KLHL21: variants seen among roughly 807,000 people sequenced by gnomAD.
The protein encoded by KLHL21 is kelch-like protein 21.
Under a neutral mutation model 44.1 loss-of-function variants are expected in KLHL21, and 42 were observed. The observed-to-expected ratio is 0.95, with a 90% confidence interval of 0.74 to 1.23. The LOEUF (loss-of-function observed/expected upper bound fraction) is 1.23, where lower values mean the gene tolerates loss of function less well. Ranked by LOEUF, KLHL21 falls within the 50% of genes most tolerant of loss-of-function variation. The pLI is 0.00. For synonymous variants in KLHL21, 524 were observed against 411.6 expected, an observed-to-expected ratio of 1.27 and a Z score of -3.31; for missense variants, 918 against 889.1, an observed-to-expected ratio of 1.03 and a Z score of -0.41.
At chr1:6,601,482 T>C (rs933755390) in intron 1 of KLHL21, among the ~76,000 whole-genome samples, 2 of 152,158 alleles carry the variant, frequency 1.3e-5, no homozygotes, top group Non-Finnish European at 2.9e-5. Context: ...AAAGCACCCA[T>C]TGTGCGGGGT....
intron 1 of KLHL21, among the ~76,000 whole-genome samples, chr1:6,600,516 G>A (rs1641001295): frequency 6.6e-6 from 1 of 152,238 alleles, no homozygotes; most frequent in Non-Finnish European, 1.5e-5. Context: ...AAGACATTCT[G>A]TTTCACAGCC....
Position 6,602,630 on chromosome 1 carries a change from G to T in KLHL21, c.188C>A (p.Ala63Asp), listed in dbSNP as rs1418533502. ...CTCGCGCAGCTGCCCCGCGAACATG[G>T]CGCGGAAGTAGGGGCTGGCGGCGGC... is the stretch of plus-strand genomic sequence containing the variant. ...VLAAASPYFR[A>D]MFAGQLRESR... The change falls in exon 1 of 4, where the codon GCC (alanine) becomes GAC (aspartate). Residue 63 changes from alanine (A) to aspartate (D), a missense_variant. Transcript: ENST00000377658. The T allele has an allele frequency of 1.3e-6, 2 of 1,518,922 alleles. No individual in the cohort carries two copies. The highest frequency in any genetic ancestry group is 2.5e-5 in the East Asian group (1 of 39,740). The allele number at this position is 1,518,922 out of a possible 1,614,324, so 94.1% of individuals were successfully genotyped here. A position where few individuals can be genotyped will look rare whatever the true frequency, so the allele number is the denominator to read the frequency against.
rs763362965 is a variant in KLHL21, at chr1:6,593,328, T to C, written c.*37A>G. 4.6e-6 allele frequency: 7 copies of C among 1,529,362 alleles called. No homozygotes were observed. Among genetic ancestry groups the C allele is most frequent in the Non-Finnish European group, 6.1e-6 (7 of 1,140,888 alleles). The allele number at this position is 1,529,362 out of a possible 1,614,324, so 94.7% of individuals were successfully genotyped here. ...GGGCACTGCCCCGCAGAGGTGCCAGTTACCTGCACCGAGGCCCGTGCCGGG... is the reference window on the plus strand; with the variant it reads ...GGGCACTGCCCCGCAGAGGTGCCAGCTACCTGCACCGAGGCCCGTGCCGGG... On this transcript the variant is annotated 3_prime_UTR_variant, in exon 4 of 4. Transcript: ENST00000377658.
At chr1:6,601,719 C>A in intron 1 of KLHL21, 78 bp downstream of exon 1, 3 of 1,465,722 alleles carry the variant, frequency 2.0e-6, no homozygotes, top group Non-Finnish European at 2.7e-6. Context: ...GCTCTGTGCG[C>A]TTCCCCCGCG....
rs1185169344 is a variant in KLHL21, at chr1:6,602,852, CG to C, written c.-36del. On this transcript the variant is annotated 5_prime_UTR_variant, in exon 1 of 4. Coordinates refer to ENST00000377658, the MANE Select transcript of KLHL21 (RefSeq NM_014851.4). The stretch of plus-strand genomic sequence containing the variant: ...GATAGGTTGTCGAGGACGCCGCGGC[CG>C]GGGCCTGCGGAGAGACGCGGCGCGC... 1.6e-6 allele frequency: 2 copies of C among 1,259,480 alleles called. No individual in the cohort carries two copies. The highest frequency in any genetic ancestry group is 8.8e-5 in the Admixed American group (2 of 22,710). 78.0% of individuals were successfully genotyped at this position (1,259,480 alleles called of 1,614,324 possible). A position where few individuals can be genotyped will look rare whatever the true frequency, so the allele number is the denominator to read the frequency against.
At position 6,591,137 on chromosome 1, in the gene KLHL21, G is replaced by A. The variant is rs1640842769; in HGVS notation, c.*2228C>T. On this transcript the variant is annotated 3_prime_UTR_variant, in exon 4 of 4. Transcript: ENST00000377658. The stretch of plus-strand genomic sequence containing the variant: ...TGGGGAGAGGAGGGGGCCTGACCCT[G>A]GATCCCCCAGCTGGTGTCCACAGGC... 1 of 397,408 alleles carries A rather than the reference G, an allele frequency of 2.5e-6. No individual in the cohort carries two copies. The highest frequency in any genetic ancestry group is 4.4e-6 in the Non-Finnish European group (1 of 225,610). 24.6% of individuals were successfully genotyped at this position (397,408 alleles called of 1,614,324 possible). A position where few individuals can be genotyped will look rare whatever the true frequency, so the allele number is the denominator to read the frequency against.
chr1:6,601,254 T>A (rs1641012623), intron 1 of KLHL21, among the ~76,000 whole-genome samples: 1 of 152,180 alleles, frequency 6.6e-6, no homozygotes, highest in Non-Finnish European at 1.5e-5. Context: ...CATGTGACCA[T>A]GTTTACAGGC....
At position 6,602,534 on chromosome 1, in the gene KLHL21, T is replaced by C. The variant is rs1040051658; in HGVS notation, c.284A>G (p.Tyr95Cys). ...GCCGCTTACCGCCACGCGGCCCGTG[T>C]AGCTGAAGTCCAGCAGCAGCTGCAG... ...DMLQLLLDFS[Y>C]TGRVAVSGDN... The change falls in exon 1 of 4, where the codon TAC becomes TGC. Residue 95 changes from tyrosine (Y) to cysteine (C), a missense_variant. Tyr to Cys is a radical substitution (Grantham distance 194). Coordinates refer to ENST00000377658, the MANE Select transcript of KLHL21 (RefSeq NM_014851.4). 1 of 1,539,838 alleles carries C rather than the reference T, an allele frequency of 6.5e-7. No homozygotes were observed.
Position 6,597,792 on chromosome 1 carries a change from C to A in KLHL21, c.1427+1255G>T, listed in dbSNP as rs140042086. On this transcript the variant is annotated intron_variant, in intron 2 of 3. Coordinates refer to ENST00000377658, the MANE Select transcript of KLHL21 (RefSeq NM_014851.4). ...AAAGGGCACAGTGGGGACTGTCATT[C>A]AGTTCTTCCCCTTCCCTCCTGGACC... 4.6e-3 allele frequency among the ~76,000 whole-genome samples: 705 copies of A among 152,358 alleles called. 3 individuals carry two copies. The highest frequency in any genetic ancestry group is 0.01 in the Middle Eastern group (3 of 294).
rs1641036223 is a variant in KLHL21 at position 6,602,251 on chromosome 1, C to A, written c.567G>T (p.Gly189=). The stretch of plus-strand genomic sequence containing the variant: ...CGGCCTCCTCCTTGGGCACACACAG[C>A]CCGTCGTCCCGCAGGTAGCGCAGCA... ...ARLLRYLRDD[G]LCVPKEEAAY... The change falls in exon 1 of 4, where the codon GGG becomes GGT. Residue 189 remains glycine (G), a synonymous_variant. Coordinates refer to ENST00000377658, the MANE Select transcript of KLHL21 (RefSeq NM_014851.4). 1 of 1,545,942 alleles carries A rather than the reference C, an allele frequency of 6.5e-7. No homozygotes were observed. Among genetic ancestry groups the A allele is most frequent in the Non-Finnish European group, 8.7e-7 (1 of 1,152,978 alleles).
intron 2 of KLHL21, 115 bp downstream of exon 2, chr1:6,598,932 A>G: frequency 9.1e-7 from 1 of 1,093,254 alleles, no homozygotes; most frequent in Non-Finnish European, 1.3e-6. Context: ...CTCCAACCCC[A>G]GCTAGGCCTC....
Position 6,593,053 on chromosome 1 carries a change from A to C in KLHL21, c.*312T>G. On this transcript the variant is annotated 3_prime_UTR_variant, in exon 4 of 4. Transcript: ENST00000377658. ...TGGGAACAAGTAGGTGCAGATGACAACGGCAGGAGGGGTGTGCGCCGCGTG... is the reference window on the plus strand; with the variant it reads ...TGGGAACAAGTAGGTGCAGATGACACCGGCAGGAGGGGTGTGCGCCGCGTG... 1 of 362,304 alleles carries C rather than the reference A, an allele frequency of 2.8e-6. No individual in the cohort carries two copies. Among genetic ancestry groups the C allele is most frequent in the Non-Finnish European group, 5.1e-6 (1 of 196,762 alleles). The allele number at this position is 362,304 out of a possible 1,614,324, so 22.4% of individuals were successfully genotyped here. A position where few individuals can be genotyped will look rare whatever the true frequency, so the allele number is the denominator to read the frequency against.
At chr1:6,596,765 A>G (rs1640933428) in intron 2 of KLHL21, among the ~76,000 whole-genome samples, 2 of 152,218 alleles carry the variant, frequency 1.3e-5, no homozygotes, top group African/African-American at 4.8e-5. Flanking sequence ...GAGGCTGGAC[A>G]GAGCTCGCCG....
intron 1 of KLHL21, among the ~76,000 whole-genome samples, chr1:6,601,022 T>A (rs987447027): frequency 1.3e-5 from 2 of 152,206 alleles, no homozygotes; most frequent in African/African-American, 4.8e-5. Context: ...CCTCCTTGCC[T>A]GATAACCGCC....
rs1640969360 is a variant in KLHL21 at position 6,599,036 on chromosome 1, C to T, written c.1427+11G>A. The T allele has an allele frequency of 6.4e-7, 1 of 1,561,886 alleles. No individual in the cohort carries two copies. The highest frequency in any genetic ancestry group is 1.2e-5 in the South Asian group (1 of 83,008). ...CCAAACACACAGTGGGGCTCGGCAC[C>T]TGGAACTCACCTGACAAAGTACATG... On this transcript the variant is annotated intron_variant, in intron 2 of 3. Transcript: ENST00000377658.
At chr1:6,595,942 C>T (rs921508060) in intron 2 of KLHL21, among the ~76,000 whole-genome samples, 1 of 152,230 alleles carries the variant, frequency 6.6e-6, no homozygotes, top group African/African-American at 2.4e-5. Context: ...CCCACAGGCC[C>T]TGGAACACTC....
rs776931722 is a variant in KLHL21, at chr1:6,602,479, G to C, written c.339C>G (p.Ala113=). 288 of 1,561,398 alleles carry C rather than the reference G, an allele frequency of 1.8e-4. No homozygotes were observed. Among genetic ancestry groups the C allele is most frequent in the Non-Finnish European group, 2.4e-4 (274 of 1,160,052 alleles). The stretch of plus-strand genomic sequence containing the variant: ...TCACGGCCGGGAACTGCAGCAGGTC[G>C]GCGGCGCGCAGCAGCGGCTCAGCGT... ...GDNAEPLLRA[A]DLLQFPAVKE... Residue 113 remains alanine, a synonymous_variant, in exon 1 of 4, where the codon GCC becomes GCG. Transcript: ENST00000377658.
At chr1:6,595,328 G>C in intron 3 of KLHL21, 157 bp downstream of exon 3, 1 of 719,090 alleles carries the variant, frequency 1.4e-6, no homozygotes, top group Non-Finnish European at 2.6e-6. Context: ...GTCTCAGTGA[G>C]CCTTAAGTGC....
At chr1:6,595,703 T>C (rs940128230) in intron 2 of KLHL21, 146 bp from the exon 3 acceptor site, 18 of 692,402 alleles carry the variant, frequency 2.6e-5, no homozygotes, top group Non-Finnish European at 3.6e-5. Flanking sequence ...CCTTGCCAGG[T>C]AGGCTCCATC....
Sources: allele counts gnomAD v4.1 joint callset (sites outside exome capture counted in the v4.1 genomes callset), GRCh38; gene constraint gnomAD v4.1.1; transcripts MANE v1.5; gene names NCBI Gene and HGNC (gene_info 2026-07-23, HGNC 2026-07-21).